AK8: variants seen among roughly 807,000 people sequenced by gnomAD.
AK8 encodes adenylate kinase 8, also known as ATP-AMP transphosphorylase 8.
In AK8, 44 loss-of-function variants were observed where a neutral mutation model predicts 54.6. That is an observed-to-expected ratio of 0.81 (90% CI 0.63 to 1.04). AK8 has a LOEUF of 1.04. Ranked by LOEUF, AK8 falls within the 50% of genes least tolerant of loss-of-function variation. The pLI, the probability that AK8 is intolerant of heterozygous loss-of-function variation, is 0.00. For synonymous variants in AK8, 239 were observed against 245.6 expected (o/e 0.97, Z 0.25); for missense variants, 555 against 613.6 (o/e 0.90, Z 1.01).
At chr9:132,850,519 T>C (rs2094312814) in intron 5 of AK8, among the ~76,000 whole-genome samples, 1 of 151,614 alleles carries the variant, frequency 6.6e-6, no homozygotes, top group Non-Finnish European at 1.5e-5. Flanking sequence ...TGCCTCAGCC[T>C]CCCAAGTAGC....
At chr9:132,773,068 A>C (rs754971180) in intron 11 of AK8, among the ~76,000 whole-genome samples, 2 of 152,198 alleles carry the variant, frequency 1.3e-5, no homozygotes, top group Admixed American at 6.5e-5. Context: ...CATCACTCCA[A>C]GGAAAAGCCG....
chr9:132,764,182 C>T (rs931801761), intron 11 of AK8, among the ~76,000 whole-genome samples: 6 of 152,052 alleles, frequency 3.9e-5, no homozygotes, highest in Non-Finnish European at 8.8e-5. Flanking sequence ...TGTTGGTGTG[C>T]ACCTATAGTC....
chr9:132,805,602 C>A (rs1163155284), intron 10 of AK8, among the ~76,000 whole-genome samples: 1 of 151,646 alleles, frequency 6.6e-6, no homozygotes, highest in East Asian at 2.0e-4. Context: ...AAAGACAAGG[C>A]ACACTTTCAA....
chr9:132,863,171 G>A (rs1286289327), intron 4 of AK8, among the ~76,000 whole-genome samples: 2 of 152,250 alleles, frequency 1.3e-5, no homozygotes, highest in Non-Finnish European at 2.9e-5. Flanking sequence ...CGGACCAGAG[G>A]GTGGGCTGTG....
At chr9:132,746,550 C>T (rs1837661828) in intron 11 of AK8, among the ~76,000 whole-genome samples, 1 of 152,210 alleles carries the variant, frequency 6.6e-6, no homozygotes, top group South Asian at 2.1e-4. Flanking sequence ...TTTAGTTAGC[C>T]AATACTATTA....
Position 132,790,891 on chromosome 9 carries a change from C to T in AK8, c.1121+1743G>A, listed in dbSNP as rs1046406525. Among the ~76,000 whole-genome samples the T allele has an allele frequency of 3.9e-5, 6 of 152,018 alleles. No homozygotes were observed. The highest frequency in any genetic ancestry group is 5.9e-5 in the Non-Finnish European group (4 of 68,010). ...ATGTCTTTTGTATACTCTTGAAAAA[C>T]CCCCTTAGAAAATATGGAATGAAAA... On this transcript the variant is annotated intron_variant, in intron 11 of 12. Coordinates refer to ENST00000298545, the MANE Select transcript of AK8 (RefSeq NM_152572.3). The surrounding 1 kb of genome is among the most constrained non-coding windows in gnomAD (Gnocchi z 4.1).
intron 5 of AK8, among the ~76,000 whole-genome samples, chr9:132,846,073 T>C (rs958802156): frequency 1.6e-4 from 24 of 152,210 alleles, no homozygotes; most frequent in Admixed American, 4.6e-4. Context: ...GCCCTGCATC[T>C]CTGGATTCTA....
chr9:132,733,239 G>A lies in AK8; in HGVS notation c.1122-5705C>T, dbSNP rs1467087459. On this transcript the variant is annotated intron_variant, in intron 11 of 12. Transcript: ENST00000298545. ...CAGCCACTAAAAAAAAAAAACATGCGAGATCGGGGAGTGTGTAAACACAGG... is the reference window on the plus strand; with the variant it reads ...CAGCCACTAAAAAAAAAAAACATGCAAGATCGGGGAGTGTGTAAACACAGG... 2.6e-5 allele frequency among the ~76,000 whole-genome samples: 4 copies of A among 151,600 alleles called. No homozygotes were observed. In the East Asian group the frequency reaches 5.8e-4, roughly 22 times the overall value.
At position 132,803,046 on chromosome 9, in the gene AK8, C is replaced by T. The variant is rs796363554; in HGVS notation, c.980-10271G>A. On this transcript the variant is annotated intron_variant, in intron 10 of 12. Transcript: ENST00000298545. The surrounding 1 kb of genome is among the most constrained non-coding windows in gnomAD (Gnocchi z 4.4). ...ATCATGGCAGAAGGGGAAGCAAACA[C>T]GTCCTTCTTCACATAGCGGCAGCCA... is the stretch of plus-strand genomic sequence containing the variant. Among the ~76,000 whole-genome samples the T allele has an allele frequency of 1.1e-4, 16 of 152,274 alleles. 1 individual carries two copies. The highest frequency in any genetic ancestry group is 3.1e-4 in the African/African-American group (13 of 41,550).
At chr9:132,750,930 C>G (rs1214348683) in intron 11 of AK8, among the ~76,000 whole-genome samples, 1 of 152,048 alleles carries the variant, frequency 6.6e-6, no homozygotes, top group Non-Finnish European at 1.5e-5. Context: ...GAAGCCTCCC[C>G]TAACTGCCTA....
chr9:132,801,333 C>T (rs758243263), intron 10 of AK8, among the ~76,000 whole-genome samples: 1 of 152,148 alleles, frequency 6.6e-6, no homozygotes, highest in Non-Finnish European at 1.5e-5. Flanking sequence ...AGTAAAACTT[C>T]TCTATTGGAA....
At chr9:132,857,997 G>A (rs887629436) in intron 4 of AK8, among the ~76,000 whole-genome samples, 1 of 152,190 alleles carries the variant, frequency 6.6e-6, no homozygotes, top group African/African-American at 2.4e-5. Flanking sequence ...TCCCACCCCA[G>A]CCCCCAAAGT....
At chr9:132,769,537 G>A (rs1271602673) in intron 11 of AK8, 3 of 152,258 alleles carry the variant, frequency 2.0e-5, no homozygotes, top group Non-Finnish European at 4.4e-5. Context: ...GGGAGTGAAA[G>A]AGCAAATGTC....
At chr9:132,736,354 T>C (rs1210342222) in intron 11 of AK8, among the ~76,000 whole-genome samples, 1 of 151,590 alleles carries the variant, frequency 6.6e-6, no homozygotes, top group African/African-American at 2.4e-5. Flanking sequence ...GCCCAGCTAA[T>C]TTTTTGTATT....
chr9:132,796,374 A>G (rs188487881), intron 10 of AK8, among the ~76,000 whole-genome samples: 1 of 152,372 alleles, frequency 6.6e-6, no homozygotes, highest in African/African-American at 2.4e-5. Flanking sequence ...AAAGATTTCT[A>G]GAGAGAATTT....
chr9:132,759,139 T>A (rs1024336259), intron 11 of AK8, among the ~76,000 whole-genome samples: 1 of 143,620 alleles, frequency 7.0e-6, no homozygotes, highest in African/African-American at 2.6e-5. Context: ...GAGGCTGCAA[T>A]GAGCTGTGAT....
chr9:132,852,195 C>A (rs1024913500), intron 5 of AK8, among the ~76,000 whole-genome samples: 2 of 152,142 alleles, frequency 1.3e-5, no homozygotes, highest in Non-Finnish European at 2.9e-5. Context: ...CAATAGGGGC[C>A]AGGCATGGTG....
chr9:132,804,092 G>A (rs866318197), intron 10 of AK8, among the ~76,000 whole-genome samples: 21 of 136,696 alleles, frequency 1.5e-4, no homozygotes, highest in Non-Finnish European at 2.2e-4. Flanking sequence ...GGGACAGAGT[G>A]AGACTCCATC....
At chr9:132,789,912 C>A (rs1005102556) in intron 11 of AK8, among the ~76,000 whole-genome samples, 1 of 152,116 alleles carries the variant, frequency 6.6e-6, no homozygotes, top group Admixed American at 6.6e-5. Flanking sequence ...TGGGCCCACC[C>A]AGATAGTCCA....
Sources: gnomAD v4.1 joint callset for allele counts (sites outside exome capture counted in the v4.1 genomes callset) on GRCh38, gnomAD v4.1.1 for gene constraint, Gnocchi (gnomAD v3.1) non-coding constraint, MANE v1.5 for transcripts, NCBI Gene and HGNC (gene_info 2026-07-23, HGNC 2026-07-21) for gene names.